The following SYT9 variants were observed in gnomAD, a reference collection of about 807,000 sequenced individuals.
SYT9 encodes synaptotagmin-9.
Under a neutral mutation model 48.4 loss-of-function variants are expected in SYT9, and 22 were observed. The ratio of observed to expected loss-of-function variants is 0.45; its 90% confidence interval spans 0.32 to 0.65. SYT9 has a LOEUF of 0.65. Ranked by LOEUF, SYT9 falls within the 30% of genes least tolerant of loss-of-function variation. SYT9 has a pLI of 0.03. For synonymous variants in SYT9, 265 were observed against 245.0 expected (o/e 1.08, Z -0.76); for missense variants, 577 against 622.0 (o/e 0.93, Z 0.77).
At chr11:7,311,205 G>A (rs961152181) in intron 2 of SYT9, among the ~76,000 whole-genome samples, 1 of 152,196 alleles carries the variant, frequency 6.6e-6, no homozygotes, top group African/African-American at 2.4e-5. Context: ...GGGAGGCTGA[G>A]GTAGGAGAAT....
At position 7,384,565 on chromosome 11, in the gene SYT9, T is replaced by G. The variant is rs574528856; in HGVS notation, c.1045-31477T>G. ...TGACCTCTCACCACCTGCACTGCTT[T>G]CTTTGGAACAAGCCATGTCACCTCT... On this transcript the variant is annotated intron_variant, in intron 3 of 6. Coordinates refer to ENST00000318881, the MANE Select transcript of SYT9 (RefSeq NM_175733.4). Among the ~76,000 whole-genome samples the G allele has an allele frequency of 1.2e-3, 186 of 152,316 alleles. 1 individual carries two copies. Among genetic ancestry groups the G allele is most frequent in the Non-Finnish European group, 2.2e-3 (148 of 68,032 alleles).
intron 3 of SYT9, among the ~76,000 whole-genome samples, chr11:7,392,576 C>T (rs1213538265): frequency 1.4e-5 from 2 of 139,974 alleles, no homozygotes; most frequent in South Asian, 5.1e-4. Flanking sequence ...TTTTGCTATT[C>T]AGGCTGTTTT....
intron 6 of SYT9, chr11:7,457,791 C>T (rs995829619): frequency 6.6e-6 from 1 of 152,210 alleles, no homozygotes; most frequent in Non-Finnish European, 1.5e-5. Context: ...TTATAAGAGA[C>T]TTACCTTAGT....
At chr11:7,297,681 A>G (rs926260589) in intron 1 of SYT9, among the ~76,000 whole-genome samples, 1 of 152,162 alleles carries the variant, frequency 6.6e-6, no homozygotes, top group Non-Finnish European at 1.5e-5. Flanking sequence ...TTTCTGCCTC[A>G]TTTTAATCTC....
chr11:7,305,122 T>C (rs1032444020), intron 2 of SYT9, among the ~76,000 whole-genome samples: 6 of 152,114 alleles, frequency 3.9e-5, no homozygotes, highest in Non-Finnish European at 8.8e-5. Context: ...ATAACTGTTA[T>C]CACTACTGAT....
intron 6 of SYT9, chr11:7,441,541 TC>T (rs1847829538): frequency 6.6e-6 from 1 of 152,126 alleles, no homozygotes; most frequent in Non-Finnish European, 1.5e-5. Context: ...GATGGGGGGT[TC>T]CGGGATTGTA....
At chr11:7,421,640 C>G (rs1165995121) in intron 6 of SYT9, among the ~76,000 whole-genome samples, 1 of 152,170 alleles carries the variant, frequency 6.6e-6, no homozygotes, top group Non-Finnish European at 1.5e-5. Context: ...CCCTACTTAT[C>G]TTTGCTCATT....
intron 3 of SYT9, among the ~76,000 whole-genome samples, chr11:7,339,927 A>G (rs1005144273): frequency 6.6e-6 from 1 of 152,204 alleles, no homozygotes; most frequent in East Asian, 1.9e-4. Flanking sequence ...GGAAGTTTTC[A>G]TGGACAATAT....
intron 3 of SYT9, among the ~76,000 whole-genome samples, chr11:7,379,433 TTTCTG>T (rs1850517194): frequency 6.6e-6 from 1 of 152,168 alleles, no homozygotes; most frequent in East Asian, 1.9e-4. Context: ...GCCCTCATCA[TTTCTG>T]GTCTCTCAGT....
upstream of SYT9, among the ~76,000 whole-genome samples, chr11:7,251,274 T>C (rs2119747577): frequency 6.8e-6 from 1 of 146,920 alleles, no homozygotes; most frequent in African/African-American, 2.5e-5. Flanking sequence ...ACTTTGGCAA[T>C]GTTTGGATTT....
At chr11:7,414,469 G>C (rs934581275) in intron 3 of SYT9, among the ~76,000 whole-genome samples, 1 of 152,200 alleles carries the variant, frequency 6.6e-6, no homozygotes, top group South Asian at 2.1e-4. Flanking sequence ...TCTTCAGTAA[G>C]GGCAGACACT....
chr11:7,338,731 TG>T, intron 3 of SYT9, among the ~76,000 whole-genome samples: 1 of 152,282 alleles, frequency 6.6e-6, no homozygotes, highest in Admixed American at 6.5e-5. Flanking sequence ...TGATTTTGGT[TG>T]TTTTGCATTT....
intron 3 of SYT9, among the ~76,000 whole-genome samples, chr11:7,389,833 GA>G (rs747536784): frequency 7.8e-4 from 116 of 149,378 alleles, no homozygotes; most frequent in Non-Finnish European, 1.5e-3. Flanking sequence ...TGCTTGGGAG[GA>G]AAAAAAAACC....
At position 7,402,377 on chromosome 11, in the gene SYT9, TCTTA is replaced by T. The variant is rs1337046863; in HGVS notation, c.1045-13661_1045-13658del. On this transcript the variant is annotated intron_variant, in intron 3 of 6. Transcript: ENST00000318881. ...ATAACATTGTTCACGTCTTTTATAT[TCTTA>T]CTTCTTCTCTTTTCGTATGTTCAGT... is the stretch of plus-strand genomic sequence containing the variant. Among the ~76,000 whole-genome samples the T allele has an allele frequency of 9.9e-5, 15 of 152,228 alleles. No homozygotes were observed. In the South Asian group the frequency reaches 1.2e-3, roughly 13 times the overall value.
intron 6 of SYT9, among the ~76,000 whole-genome samples, chr11:7,425,057 G>A (rs944467621): frequency 3.9e-5 from 6 of 152,194 alleles, no homozygotes; most frequent in African/African-American, 1.2e-4. Flanking sequence ...CAAGCAGCCC[G>A]TGTAAACCAT....
chr11:7,254,796 A>C (rs932430257), intron 1 of SYT9, among the ~76,000 whole-genome samples: 1 of 152,200 alleles, frequency 6.6e-6, no homozygotes, highest in African/African-American at 2.4e-5. Flanking sequence ...AAGGAGAAAA[A>C]AGATATAATT....
chr11:7,320,582 T>A (rs1188778939), intron 3 of SYT9, among the ~76,000 whole-genome samples: 1 of 152,242 alleles, frequency 6.6e-6, no homozygotes, highest in Non-Finnish European at 1.5e-5. Context: ...GTGAAACTCC[T>A]TATGAGGGAC....
chr11:7,408,909 C>T (rs1213962071), intron 3 of SYT9, among the ~76,000 whole-genome samples: 1 of 152,120 alleles, frequency 6.6e-6, no homozygotes, highest in Non-Finnish European at 1.5e-5. Flanking sequence ...GCTAAGATTT[C>T]CAGTACCATG....
rs759356843 is a variant in SYT9 at position 7,313,507 on chromosome 11, A to C, written c.610A>C (p.Lys204Gln). ...GIGRIKPELY[K>Q]QRSLDNDDGR... is the part of the protein sequence containing the mutation. ...TGGTAGAATTAAACCAGAGTTATAT[A>C]AGCAGAGGTCATTGGATAATGATGA... is the stretch of plus-strand genomic sequence containing the variant. Residue 204 changes from lysine to glutamine, a missense_variant, in exon 3 of 7, where the codon AAG becomes CAG. Transcript: ENST00000318881. 1 of 1,614,182 alleles carries C rather than the reference A, an allele frequency of 6.2e-7. No individual in the cohort carries two copies. Among genetic ancestry groups the C allele is most frequent in the South Asian group, 1.1e-5 (1 of 91,086 alleles).
Sources: gnomAD v4.1 joint callset for allele counts (sites outside exome capture counted in the v4.1 genomes callset) on GRCh38, gnomAD v4.1.1 for gene constraint, MANE v1.5 for transcripts, NCBI Gene and HGNC (gene_info 2026-07-23, HGNC 2026-07-21) for gene names.